KCNN2: variants seen among roughly 807,000 people sequenced by gnomAD.
The protein encoded by KCNN2 is small conductance calcium-activated potassium channel protein 2.
A neutral mutation model predicts 55.5 loss-of-function variants in KCNN2; 24 were observed. The ratio of observed to expected loss-of-function variants is 0.43; its 90% CI spans 0.31 to 0.61. The LOEUF (loss-of-function observed/expected upper bound fraction) is 0.61. Among genes scored for constraint, KCNN2 ranks in the 20% least tolerant of loss-of-function variants. The pLI is 0.08. For missense variants in KCNN2, 754 were observed against 853.6 expected, an observed-to-expected ratio of 0.88 and a Z score of 1.45; for synonymous variants, 431 against 336.1, an observed-to-expected ratio of 1.28 and a Z score of -3.09.
At chr5:114,416,614 T>C (rs1048695112) in intron 3 of KCNN2, among the ~76,000 whole-genome samples, 2 of 152,216 alleles carry the variant, frequency 1.3e-5, no homozygotes, top group Non-Finnish European at 2.9e-5. Context: ...GAGCAAAAGA[T>C]GTTTGAGTGA....
At chr5:114,168,148 T>C (rs1272587980) in intron 1 of KCNN2, among the ~76,000 whole-genome samples, 4 of 137,600 alleles carry the variant, frequency 2.9e-5, no homozygotes, top group Non-Finnish European at 6.2e-5. Flanking sequence ...TATATAGATA[T>C]ATAATCATAT....
intron 1 of KCNN2, among the ~76,000 whole-genome samples, chr5:114,204,934 G>A (rs532315422): frequency 6.5e-4 from 99 of 152,314 alleles, no homozygotes; most frequent in African/African-American, 2.3e-3. Context: ...TAGCATAAGA[G>A]ACTCACTTTT....
intron 2 of KCNN2, among the ~76,000 whole-genome samples, chr5:114,268,867 G>T (rs184953315): frequency 5.3e-5 from 8 of 151,768 alleles, no homozygotes; most frequent in Admixed American, 2.0e-4. Context: ...GAGCTATTTT[G>T]GTTGTCAGGC....
chr5:114,248,524 C>CTT (rs5870588), intron 2 of KCNN2, among the ~76,000 whole-genome samples: 12 of 151,936 alleles, frequency 7.9e-5, no homozygotes, highest in Non-Finnish European at 1.5e-4. Context: ...CTAAATACTT[C>CTT]TTTTTTTATA....
chr5:114,247,585 A>G (rs1661759234), intron 2 of KCNN2, among the ~76,000 whole-genome samples: 1 of 152,214 alleles, frequency 6.6e-6, no homozygotes, highest in South Asian at 2.1e-4. Context: ...TACTTATCAA[A>G]TATTAGATCA....
intron 3 of KCNN2, among the ~76,000 whole-genome samples, chr5:114,405,259 C>A (rs1758896782): frequency 6.6e-6 from 1 of 152,114 alleles, no homozygotes; most frequent in Admixed American, 6.5e-5. Flanking sequence ...TGCAAAATGC[C>A]TGGGCTTTAG....
chr5:114,168,461 C>T (rs538834777), intron 1 of KCNN2, among the ~76,000 whole-genome samples: 1 of 152,184 alleles, frequency 6.6e-6, no homozygotes, highest in East Asian at 1.9e-4. Flanking sequence ...CTTGACAAAT[C>T]ATAAGCCTGT....
At chr5:114,415,479 C>T (rs1425930322) in intron 3 of KCNN2, among the ~76,000 whole-genome samples, 1 of 152,052 alleles carries the variant, frequency 6.6e-6, no homozygotes, top group Non-Finnish European at 1.5e-5. Flanking sequence ...TATAGCATTG[C>T]CAGTATGTCT....
chr5:114,370,939 A>G (rs1410513899), intron 2 of KCNN2, among the ~76,000 whole-genome samples: 1 of 147,072 alleles, frequency 6.8e-6, no homozygotes, highest in South Asian at 2.3e-4. Context: ...TGGTCTGGAT[A>G]CTATTAGGTA....
chr5:114,438,534 T>C (rs994037017), intron 3 of KCNN2, among the ~76,000 whole-genome samples: 1 of 152,168 alleles, frequency 6.6e-6, no homozygotes, highest in African/African-American at 2.4e-5. Flanking sequence ...AAATAATTTA[T>C]CTAGAAGATC....
intron 1 of KCNN2, among the ~76,000 whole-genome samples, chr5:114,148,343 T>C (rs190442268): frequency 2.0e-5 from 3 of 152,262 alleles, no homozygotes; most frequent in African/African-American, 7.2e-5. Context: ...CTGACTTTTT[T>C]TGTGCAACAA....
intron 1 of KCNN2, among the ~76,000 whole-genome samples, chr5:114,146,326 GTTAC>G (rs1331566056): frequency 1.3e-5 from 2 of 152,040 alleles, no homozygotes; most frequent in Non-Finnish European, 2.9e-5. Context: ...TTAAAGTTCT[GTTAC>G]TTCTTTCTAC....
chr5:114,088,551 A>G (rs750378088), intron 1 of KCNN2, among the ~76,000 whole-genome samples: 1 of 151,738 alleles, frequency 6.6e-6, no homozygotes, highest in Admixed American at 6.6e-5. Flanking sequence ...GTATTCTTAT[A>G]ATTTCTTCTT....
intron 2 of KCNN2, among the ~76,000 whole-genome samples, chr5:114,269,416 G>A (rs1333742339): frequency 6.6e-6 from 1 of 152,026 alleles, no homozygotes; most frequent in Non-Finnish European, 1.5e-5. Flanking sequence ...CATAGGTAAA[G>A]GGGTTTCTCT....
intron 4 of KCNN2, among the ~76,000 whole-genome samples, chr5:114,469,366 C>T (rs185803050): frequency 3.2e-4 from 48 of 152,236 alleles, no homozygotes; most frequent in African/African-American, 1.1e-3. Context: ...TATTGACTTC[C>T]TAAATACACT....
intron 3 of KCNN2, among the ~76,000 whole-genome samples, chr5:114,418,538 GC>G (rs1361969649): frequency 6.6e-6 from 1 of 152,056 alleles, no homozygotes; most frequent in Non-Finnish European, 1.5e-5. Flanking sequence ...CTGTGCAGCT[GC>G]CATCATTGTC....
chr5:114,363,364 G>A, intron 1 of KCNN2, 103 bp downstream of exon 1: 1 of 1,369,376 alleles, frequency 7.3e-7, no homozygotes, highest in Non-Finnish European at 9.6e-7. Context: ...GCCTCTCCGG[G>A]ACGATCAAGG....
intron 1 of KCNN2, among the ~76,000 whole-genome samples, chr5:114,064,618 C>T (rs775912775): frequency 1.3e-5 from 2 of 152,174 alleles, no homozygotes; most frequent in African/African-American, 2.4e-5. Flanking sequence ...CAGGAAAGGT[C>T]TTTCTCCATT....
intron 2 of KCNN2, among the ~76,000 whole-genome samples, chr5:114,252,672 AC>A (rs1291224275): frequency 2.1e-5 from 3 of 146,266 alleles, no homozygotes; most frequent in Non-Finnish European, 4.5e-5. Context: ...CCCAACCCCC[AC>A]CCCCCAACCT....
Sources: allele counts gnomAD v4.1 joint callset (sites outside exome capture counted in the v4.1 genomes callset), GRCh38; gene constraint gnomAD v4.1.1; transcripts MANE v1.5; gene names NCBI Gene and HGNC (gene_info 2026-07-23, HGNC 2026-07-21).